Variants in NRG3 observed in about 807,000 individuals in gnomAD.
NRG3 encodes the protein neuregulin 3, also known as pro-neuregulin-3, membrane-bound isoform.
NRG3 carries 31 observed loss-of-function variants against 66.9 expected under a neutral mutation model. The observed-to-expected ratio is 0.46, with a 90% CI of 0.35 to 0.63. NRG3 has a LOEUF of 0.63. Ranked by LOEUF, NRG3 falls within the 20% of genes least tolerant of loss-of-function variation. NRG3 has a pLI of 0.00. For synonymous variants in NRG3, 393 were observed against 359.4 expected (o/e 1.09, Z -1.06); for missense variants, 910 against 878.9 (o/e 1.04, Z -0.45).
intron 1 of NRG3, among the ~76,000 whole-genome samples, chr10:81,961,782 A>G (rs1850388215): frequency 6.6e-6 from 1 of 152,252 alleles, no homozygotes; most frequent in South Asian, 2.1e-4. Context: ...TTAACTGATA[A>G]CTTTTGCTCC....
At chr10:82,288,736 C>A (rs1308508639) in intron 1 of NRG3, among the ~76,000 whole-genome samples, 11 of 152,194 alleles carry the variant, frequency 7.2e-5, no homozygotes. Flanking sequence ...TGCAGCAGCA[C>A]CCAGACCATC....
At chr10:82,458,888 G>T (rs1398113622) in intron 2 of NRG3, among the ~76,000 whole-genome samples, 1 of 152,120 alleles carries the variant, frequency 6.6e-6, no homozygotes, top group Non-Finnish European at 1.5e-5. Context: ...AGAAATGAAG[G>T]CTTACTAATA....
At chr10:82,641,270 A>T (rs2050560971) in intron 2 of NRG3, among the ~76,000 whole-genome samples, 1 of 152,124 alleles carries the variant, frequency 6.6e-6, no homozygotes, top group African/African-American at 2.4e-5. Flanking sequence ...ATATTTTAGA[A>T]ACTTTTTTGT....
rs902179046 is a variant in NRG3 at position 81,912,937 on chromosome 10, C to T, written c.823+36774C>T. ...CTTTCTGTGGTCAACATTCTAAAAGCGGTAGATTTTGGTGTTAAGAGCCTG... is the reference window on the plus strand; with the variant it reads ...CTTTCTGTGGTCAACATTCTAAAAGTGGTAGATTTTGGTGTTAAGAGCCTG... On this transcript the variant is annotated intron_variant, in intron 1 of 8. Coordinates refer to ENST00000372141, the MANE Select transcript of NRG3 (RefSeq NM_001010848.4). Among the ~76,000 whole-genome samples, 6 of 152,186 alleles carry T rather than the reference C, an allele frequency of 3.9e-5. No individual in the cohort carries two copies. In the East Asian group the frequency reaches 5.8e-4, roughly 15 times the overall value.
At position 82,948,054 on chromosome 10, in the gene NRG3, A is replaced by G. The variant is rs983719212; in HGVS notation, c.1055-3415A>G. Among the ~76,000 whole-genome samples, 3 of 152,028 alleles carry G rather than the reference A, an allele frequency of 2.0e-5. No individual in the cohort carries two copies. In the East Asian group the frequency reaches 5.8e-4, roughly 29 times the overall value. ...TCTAATTTTGTAGTTTAAACTTTAC[A>G]TTTACATCTATCATCCTTTTTGAGT... On this transcript the variant is annotated intron_variant, in intron 4 of 8. Transcript: ENST00000372141.
intron 2 of NRG3, among the ~76,000 whole-genome samples, chr10:82,598,149 T>TA (rs1169459785): frequency 2.0e-5 from 3 of 152,172 alleles, no homozygotes; most frequent in Admixed American, 6.5e-5. Context: ...AGAGTTTTTT[T>TA]AAAAAAATTT....
intron 2 of NRG3, among the ~76,000 whole-genome samples, chr10:82,665,314 T>A (rs2052678470): frequency 6.6e-6 from 1 of 152,220 alleles, no homozygotes; most frequent in South Asian, 2.1e-4. Flanking sequence ...ATACAACATA[T>A]CACAATTCAT....
chr10:82,127,238 G>A (rs2068505340), intron 1 of NRG3, among the ~76,000 whole-genome samples: 1 of 152,086 alleles, frequency 6.6e-6, no homozygotes, highest in Non-Finnish European at 1.5e-5. Flanking sequence ...CCAAAGTGAT[G>A]GGGCTGGGGG....
chr10:82,451,629 T>G (rs566624522), intron 2 of NRG3, among the ~76,000 whole-genome samples: 2 of 152,224 alleles, frequency 1.3e-5, no homozygotes, highest in South Asian at 4.1e-4. Flanking sequence ...CAAATGTAAA[T>G]AAAATCAATA....
At chr10:82,094,359 T>C (rs2066210229) in intron 1 of NRG3, among the ~76,000 whole-genome samples, 1 of 152,172 alleles carries the variant, frequency 6.6e-6, no homozygotes, top group Admixed American at 6.5e-5. Flanking sequence ...CCGATGAGCA[T>C]GCGCAAAATA....
At chr10:82,234,375 A>T (rs2076650821) in intron 1 of NRG3, among the ~76,000 whole-genome samples, 1 of 152,164 alleles carries the variant, frequency 6.6e-6, no homozygotes, top group Non-Finnish European at 1.5e-5. Flanking sequence ...CCATTTCAGC[A>T]GTTTGTCTGT....
chr10:82,607,911 A>T (rs1483120301), intron 2 of NRG3, among the ~76,000 whole-genome samples: 1 of 152,116 alleles, frequency 6.6e-6, no homozygotes, highest in Non-Finnish European at 1.5e-5. Flanking sequence ...ATGTTCATTC[A>T]TTTCACTTTT....
chr10:82,790,641 A>C (rs1379788354), intron 3 of NRG3, among the ~76,000 whole-genome samples: 2 of 152,132 alleles, frequency 1.3e-5, no homozygotes, highest in African/African-American at 4.8e-5. Context: ...ATTTTCAGCC[A>C]TAATTTCTTC....
chr10:82,241,989 TAC>T (rs1305129178), intron 1 of NRG3, among the ~76,000 whole-genome samples: 1 of 152,156 alleles, frequency 6.6e-6, no homozygotes, highest in African/African-American at 2.4e-5. Context: ...ACCTGGTTGA[TAC>T]AGTTTATATT....
intron 4 of NRG3, among the ~76,000 whole-genome samples, chr10:82,881,588 G>A (rs1842303333): frequency 6.6e-6 from 1 of 152,150 alleles, no homozygotes; most frequent in Non-Finnish European, 1.5e-5. Context: ...GGCATGCTAT[G>A]GGATTCAAGC....
intron 2 of NRG3, among the ~76,000 whole-genome samples, chr10:82,577,449 C>T (rs1464323285): frequency 1.3e-5 from 2 of 151,706 alleles, no homozygotes; most frequent in Non-Finnish European, 2.9e-5. Flanking sequence ...CCTAAAATTA[C>T]ACAGTCATAT....
chr10:82,958,499 T>C (rs567576927), intron 5 of NRG3, among the ~76,000 whole-genome samples: 1 of 152,328 alleles, frequency 6.6e-6, no homozygotes, highest in South Asian at 2.1e-4. Context: ...CACATTATGG[T>C]ATATAGTCAA....
At chr10:82,377,681 G>A (rs2085342631) in intron 2 of NRG3, among the ~76,000 whole-genome samples, 1 of 152,142 alleles carries the variant, frequency 6.6e-6, no homozygotes, top group Non-Finnish European at 1.5e-5. Context: ...GAAGGAGTCA[G>A]ATGGTGACCC....
intron 1 of NRG3, among the ~76,000 whole-genome samples, chr10:81,899,792 C>T (rs908104435): frequency 2.6e-5 from 4 of 152,050 alleles, no homozygotes; most frequent in Non-Finnish European, 4.4e-5. Flanking sequence ...AACACTCGGG[C>T]GAAGTCTGTG....
Sources: gnomAD v4.1 joint callset for allele counts (sites outside exome capture counted in the v4.1 genomes callset) on GRCh38, gnomAD v4.1.1 for gene constraint, MANE v1.5 for transcripts, NCBI Gene and HGNC (gene_info 2026-07-23, HGNC 2026-07-21) for gene names.